ATF2: variants seen among roughly 807,000 people sequenced by gnomAD.
ATF2 encodes the protein cyclic AMP-dependent transcription factor ATF-2.
Under a neutral mutation model 60.6 loss-of-function variants are expected in ATF2, and 24 were observed. The observed-to-expected ratio is 0.40, with a 90% CI of 0.29 to 0.56. The LOEUF (loss-of-function observed/expected upper bound fraction) is 0.56. Among genes scored for constraint, ATF2 ranks in the 20% least tolerant of loss-of-function variants. The pLI, the probability that ATF2 is intolerant of heterozygous loss-of-function variation, is 0.54. For synonymous variants in ATF2, 206 were observed against 215.4 expected, an observed-to-expected ratio of 0.96 and a Z score of 0.38; for missense variants, 433 against 607.7, an observed-to-expected ratio of 0.71 and a Z score of 3.02.
intron 11 of ATF2, among the ~76,000 whole-genome samples, chr2:175,093,944 A>G (rs1158289791): frequency 2.6e-5 from 4 of 152,178 alleles, no homozygotes; most frequent in South Asian, 4.1e-4. Flanking sequence ...CTGCTCCCCA[A>G]TGAATCAGCT....
intron 10 of ATF2, among the ~76,000 whole-genome samples, chr2:175,108,209 C>A (rs1205017716): frequency 6.6e-6 from 1 of 151,730 alleles, no homozygotes; most frequent in African/African-American, 2.4e-5. Context: ...AGGAGCCCCG[C>A]CGCCCGGCAG....
chr2:175,125,813 C>A (rs1429439914), intron 4 of ATF2, among the ~76,000 whole-genome samples: 1 of 152,040 alleles, frequency 6.6e-6, no homozygotes, highest in Non-Finnish European at 1.5e-5. Flanking sequence ...GCAGTATGGT[C>A]CCAATTTTGT....
chr2:175,121,959 C>A (rs1696984365), intron 4 of ATF2, among the ~76,000 whole-genome samples: 1 of 151,796 alleles, frequency 6.6e-6, no homozygotes, highest in Admixed American at 6.6e-5. Flanking sequence ...TTACTTACCA[C>A]TTTTTAAAAG....
intron 13 of ATF2, chr2:175,080,359 A>G (rs1488126068): frequency 5.4e-6 from 1 of 184,850 alleles, no homozygotes; most frequent in African/African-American, 2.3e-5. Context: ...ACAAAGTGTT[A>G]TCCTGAGAAG....
chr2:175,094,169 G>A (rs1042427766), intron 11 of ATF2, among the ~76,000 whole-genome samples: 1 of 152,078 alleles, frequency 6.6e-6, no homozygotes, highest in Non-Finnish European at 1.5e-5. Flanking sequence ...AAGGCGGGTG[G>A]ATCACTTGAG....
At chr2:175,098,151 T>G (rs1559063334) in intron 10 of ATF2, among the ~76,000 whole-genome samples, 2 of 152,234 alleles carry the variant, frequency 1.3e-5, no homozygotes, top group African/African-American at 4.8e-5. Flanking sequence ...TATCTTATAC[T>G]TTTGGGTATT....
At chr2:175,167,816 G>A (rs942443217) in intron 1 of ATF2, 7 of 436,870 alleles carry the variant, frequency 1.6e-5, no homozygotes, top group Admixed American at 2.4e-5. Context: ...ACGAACGCTG[G>A]TTACCTAACG....
chr2:175,086,109 A>T (rs1429812028), intron 12 of ATF2, among the ~76,000 whole-genome samples: 1 of 152,220 alleles, frequency 6.6e-6, no homozygotes, highest in Non-Finnish European at 1.5e-5. Context: ...GGTCTGCACA[A>T]TACAAATTCA....
intron 1 of ATF2, among the ~76,000 whole-genome samples, chr2:175,152,024 C>T (rs192093991): frequency 2.6e-3 from 391 of 152,110 alleles, no homozygotes; most frequent in Non-Finnish European, 4.3e-3. Flanking sequence ...CCATAGCTAT[C>T]GGGGGGATAG....
Position 175,096,544 on chromosome 2 carries a change from A to G in ATF2, c.978+900T>C, listed in dbSNP as rs114491636. 6.8e-3 allele frequency among the ~76,000 whole-genome samples: 1,035 copies of G among 152,324 alleles called. 12 individuals carry two copies. Among genetic ancestry groups the G allele is most frequent in the African/African-American group, 0.024 (978 of 41,582 alleles). On this transcript the variant is annotated intron_variant, in intron 11 of 13. Transcript: ENST00000264110. ...GTAATGTTTTACAATGAGTGAGCAA[A>G]TATTAAAAGCAGAAACAAGAATTAT...
chr2:175,156,553 C>A (rs916197378), intron 1 of ATF2, among the ~76,000 whole-genome samples: 2 of 152,024 alleles, frequency 1.3e-5, no homozygotes, highest in Non-Finnish European at 2.9e-5. Flanking sequence ...GGGATTTGAC[C>A]TGCCATTACT....
intron 7 of ATF2, 28 bp from the exon 8 acceptor site, chr2:175,114,896 G>A (rs779975032): frequency 1.9e-6 from 3 of 1,593,314 alleles, no homozygotes; most frequent in South Asian, 1.1e-5. Flanking sequence ...AAAAAAGGGT[G>A]GCATTTAAAA....
intron 2 of ATF2, among the ~76,000 whole-genome samples, chr2:175,144,603 C>A (rs1161012463): frequency 2.6e-5 from 4 of 152,210 alleles, no homozygotes; most frequent in East Asian, 1.9e-4. Context: ...GTAGCTCAGA[C>A]AGGCTACCTG....
Position 175,097,459 on chromosome 2 carries a change from G to A in ATF2, c.963C>T (p.Ser321=). The change falls in exon 11 of 14, where the codon TCC becomes TCT. Residue 321 remains serine (S), a synonymous_variant. Transcript: ENST00000264110. ...RPQSLQQPAT[S]TTETPASPAH... is the part of the protein sequence containing the mutation. The stretch of plus-strand genomic sequence containing the variant: ...ACACACATACCGGAGTTTCTGTAGT[G>A]GATGTGGCTGGCTGTTGTAATGACT... 1 of 1,614,042 alleles carries A rather than the reference G, an allele frequency of 6.2e-7. No homozygotes were observed. Among genetic ancestry groups the A allele is most frequent in the Non-Finnish European group, 8.5e-7 (1 of 1,179,948 alleles).
At chr2:175,074,906 A>G (rs766030518) in intron 13 of ATF2, 71 bp from the exon 14 acceptor site, 1 of 1,581,030 alleles carries the variant, frequency 6.3e-7, no homozygotes, top group Non-Finnish European at 8.6e-7. Flanking sequence ...CTGAGGCAAT[A>G]CACAGAGTAA....
At chr2:175,094,912 C>T (rs949985424) in intron 11 of ATF2, among the ~76,000 whole-genome samples, 15 of 151,866 alleles carry the variant, frequency 9.9e-5, no homozygotes, top group African/African-American at 2.4e-4. Context: ...CACTGTACTC[C>T]GCATGGGCAA....
chr2:175,131,702 A>G (rs1363260786), intron 3 of ATF2, among the ~76,000 whole-genome samples: 1 of 152,202 alleles, frequency 6.6e-6, no homozygotes, highest in Non-Finnish European at 1.5e-5. Flanking sequence ...AAGTATTCTA[A>G]CAAGATTGGC....
chr2:175,125,407 C>T (rs1386064914), intron 4 of ATF2, among the ~76,000 whole-genome samples: 4 of 151,894 alleles, frequency 2.6e-5, no homozygotes, highest in African/African-American at 9.7e-5. Context: ...TCTTAGGGTA[C>T]GAACACAGGC....
intron 10 of ATF2, among the ~76,000 whole-genome samples, chr2:175,107,718 G>A (rs952080905): frequency 2.6e-5 from 4 of 152,194 alleles, no homozygotes; most frequent in East Asian, 1.9e-4. Context: ...GGCGCGCGCC[G>A]CCACGCCTGA....
Sources: gnomAD v4.1 joint callset for allele counts (sites outside exome capture counted in the v4.1 genomes callset) on GRCh38, gnomAD v4.1.1 for gene constraint, MANE v1.5 for transcripts, NCBI Gene and HGNC (gene_info 2026-07-23, HGNC 2026-07-21) for gene names.